Variants in LIPA observed in about 807,000 individuals in gnomAD.
The protein encoded by LIPA is lysosomal acid lipase/cholesteryl ester hydrolase.
A neutral mutation model predicts 40.6 loss-of-function variants in LIPA; 26 were observed. The observed-to-expected ratio is 0.64, with a 90% CI of 0.47 to 0.89. The LOEUF is 0.89. Among genes scored for constraint, LIPA ranks in the 40% least tolerant of loss-of-function variants. The pLI, the probability that LIPA is intolerant of heterozygous loss-of-function variation, is 0.00. For synonymous variants in LIPA, 188 were observed against 168.4 expected, an observed-to-expected ratio of 1.12 and a Z score of -0.90; for missense variants, 455 against 479.6, an observed-to-expected ratio of 0.95 and a Z score of 0.48.
chr10:89,260,146 T>C (rs145692951), intron 1 of LIPA, among the ~76,000 whole-genome samples: 1 of 152,254 alleles, frequency 6.6e-6, no homozygotes, highest in African/African-American at 2.4e-5. Context: ...ACATTCATTA[T>C]CGTGTTGAAT....
chr10:89,251,375 G>A (rs1234179338), intron 1 of LIPA, among the ~76,000 whole-genome samples: 2 of 152,228 alleles, frequency 1.3e-5, no homozygotes, highest in Non-Finnish European at 1.5e-5. Flanking sequence ...AGGAGCTAAG[G>A]GGAGAGCACG....
At chr10:89,411,482 T>C (rs910600486) in intron 2 of LIPA, among the ~76,000 whole-genome samples, 2 of 152,240 alleles carry the variant, frequency 1.3e-5, no homozygotes, top group African/African-American at 4.8e-5. Context: ...AACGAGGTCT[T>C]ACTAATAGCA....
chr10:89,407,384 T>A (rs1589644410), intron 2 of LIPA, among the ~76,000 whole-genome samples: 1 of 152,130 alleles, frequency 6.6e-6, no homozygotes, highest in East Asian at 1.9e-4. Flanking sequence ...TAAGAATGAT[T>A]TCTAGTATAA....
chr10:89,236,994 C>G (rs916643040), intron 3 of LIPA, among the ~76,000 whole-genome samples: 1 of 152,176 alleles, frequency 6.6e-6, no homozygotes, highest in African/African-American at 2.4e-5. Flanking sequence ...CCAATATAGA[C>G]CAGGCACGGT....
chr10:89,395,634 G>C (rs1256613128), intron 2 of LIPA, among the ~76,000 whole-genome samples: 1 of 152,140 alleles, frequency 6.6e-6, no homozygotes, highest in Non-Finnish European at 1.5e-5. Context: ...ATATAAACAA[G>C]TTTCCTATAA....
chr10:89,238,970 G>A (rs1842936342), intron 3 of LIPA, among the ~76,000 whole-genome samples: 1 of 152,106 alleles, frequency 6.6e-6, no homozygotes, highest in Admixed American at 6.6e-5. Flanking sequence ...AATATTATTA[G>A]AACATAACCA....
rs564693356 is a variant in LIPA, at chr10:89,387,232, C to T, written c.61+25559G>A. On this transcript the variant is annotated intron_variant, in intron 2 of 8. Transcript: ENST00000371837. ...TCGGGAGGCTGAGGCAGGACAATGG[C>T]GTGAACCCAGGAGGTGGAGCTTGCA... 1.2e-3 allele frequency among the ~76,000 whole-genome samples: 177 copies of T among 148,918 alleles called. 1 individual carries two copies. Among genetic ancestry groups the T allele is most frequent in the East Asian group, 7.2e-3 (36 of 5,012 alleles).
chr10:89,251,603 C>T (rs1291982126), intron 1 of LIPA, 134 bp downstream of exon 1: 1 of 152,354 alleles, frequency 6.6e-6, no homozygotes, highest in African/African-American at 2.4e-5. Flanking sequence ...GCACCCCAGG[C>T]AAGACTCGCT....
intron 2 of LIPA, among the ~76,000 whole-genome samples, chr10:89,363,750 C>G (rs1463367773): frequency 2.5e-5 from 3 of 121,496 alleles, no homozygotes; most frequent in Middle Eastern, 6.3e-3. Context: ...GTACTCCAGC[C>G]TGGGCAACAG....
chr10:89,407,905 T>C (rs1389831574), intron 2 of LIPA, among the ~76,000 whole-genome samples: 7 of 152,130 alleles, frequency 4.6e-5, no homozygotes, highest in Non-Finnish European at 8.8e-5. Flanking sequence ...AAACTAGTGT[T>C]TCTGCTGCTG....
chr10:89,329,561 C>G (rs1843630209), intron 1 of LIPA, among the ~76,000 whole-genome samples: 1 of 152,118 alleles, frequency 6.6e-6, no homozygotes, highest in Admixed American at 6.5e-5. Context: ...TGCTCCTCCC[C>G]AGTTGTGCTA....
chr10:89,337,646 G>A (rs972342401), intron 1 of LIPA, among the ~76,000 whole-genome samples: 7 of 152,166 alleles, frequency 4.6e-5, no homozygotes, highest in South Asian at 2.1e-4. Flanking sequence ...TGATCCACCC[G>A]CCTTGGCCTC....
chr10:89,234,252 G>A (rs896151399), intron 3 of LIPA, among the ~76,000 whole-genome samples: 15 of 152,222 alleles, frequency 9.9e-5, no homozygotes, highest in Non-Finnish European at 1.6e-4. Flanking sequence ...ATTCTGACGC[G>A]CAGCCAGGCT....
At chr10:89,313,739 AC>A (rs1667676836) in intron 1 of LIPA, among the ~76,000 whole-genome samples, 1 of 152,262 alleles carries the variant, frequency 6.6e-6, no homozygotes, top group Admixed American at 6.5e-5. Context: ...ACATGATACA[AC>A]ACAGATGAAC....
intron 2 of LIPA, among the ~76,000 whole-genome samples, chr10:89,358,583 A>G (rs1354455724): frequency 6.6e-6 from 1 of 152,264 alleles, no homozygotes; most frequent in Non-Finnish European, 1.5e-5. Context: ...GTGGAATATT[A>G]TTCAACTATA....
At position 89,368,518 on chromosome 10, in the gene LIPA, T is replaced by C. The variant is rs537731050; in HGVS notation, c.61+44273A>G. The stretch of plus-strand genomic sequence containing the variant: ...CTCTCCACCCACCAACTCTGCTCTC[T>C]CTTCTGCTGATGGATTTCATGGGCT... On this transcript the variant is annotated intron_variant, in intron 2 of 8. Coordinates refer to the LIPA transcript ENST00000371837. Among the ~76,000 whole-genome samples the C allele has an allele frequency of 5.9e-5, 9 of 152,336 alleles. 1 individual carries two copies. In the South Asian group the frequency reaches 1.0e-3, roughly 18 times the overall value.
chr10:89,383,454 C>T lies in LIPA; in HGVS notation c.61+29337G>A, dbSNP rs1184688723. ...TCTGGGAAGAGATTCAGTTCCTGGA[C>T]ACCAAATACAATGTGGGAATACACA... On this transcript the variant is annotated intron_variant, in intron 2 of 8. Transcript: ENST00000371837. The T allele has an allele frequency of 3.7e-6, 6 of 1,614,152 alleles. No individual in the cohort carries two copies. In the South Asian group the frequency reaches 5.5e-5, roughly 15 times the overall value.
chr10:89,383,057 G>A (rs149804577), intron 2 of LIPA, among the ~76,000 whole-genome samples: 1 of 152,306 alleles, frequency 6.6e-6, no homozygotes, highest in East Asian at 1.9e-4. Flanking sequence ...TTTGATGTTA[G>A]CAGAATTAAC....
intron 1 of LIPA, chr10:89,307,564 A>C: frequency 1.9e-6 from 1 of 523,032 alleles, no homozygotes; most frequent in Non-Finnish European, 3.4e-6. Flanking sequence ...GAGTTCTGGG[A>C]GAGGGACCAG....
Sources: gnomAD v4.1 joint callset for allele counts (sites outside exome capture counted in the v4.1 genomes callset) on GRCh38, gnomAD v4.1.1 for gene constraint, MANE v1.5 for transcripts, NCBI Gene and HGNC (gene_info 2026-07-23, HGNC 2026-07-21) for gene names.